The following GCNT1 variants were observed in gnomAD, a reference collection of about 807,000 sequenced individuals.
GCNT1 encodes glucosaminyl (N-acetyl) transferase 1.
Under a neutral mutation model 26.2 loss-of-function variants are expected in GCNT1, and 16 were observed. That is an observed-to-expected ratio of 0.61 (90% CI 0.41 to 0.93). GCNT1 has a LOEUF of 0.93. Among genes scored for constraint, GCNT1 ranks in the 40% least tolerant of loss-of-function variants. The pLI, the probability that GCNT1 is intolerant of heterozygous loss-of-function variation, is 0.00. For missense variants in GCNT1, 477 were observed against 526.7 expected (o/e 0.91, Z 0.92); for synonymous variants, 183 against 190.8 (o/e 0.96, Z 0.34).
chr9:76,423,998 A>G (rs1189820320), intron 1 of GCNT1, among the ~76,000 whole-genome samples: 1 of 152,212 alleles, frequency 6.6e-6, no homozygotes, highest in Non-Finnish European at 1.5e-5. Context: ...ATTCAGCACT[A>G]GATGCTAGAG....
At chr9:76,446,464 C>T (rs548233285) in intron 1 of GCNT1, among the ~76,000 whole-genome samples, 76 of 152,292 alleles carry the variant, frequency 5.0e-4, no homozygotes, top group African/African-American at 1.6e-3. Flanking sequence ...GTTTCTTTTG[C>T]CTGTGTCTGA....
intron 2 of GCNT1, among the ~76,000 whole-genome samples, chr9:76,483,572 A>G (rs1308697631): frequency 1.3e-5 from 2 of 151,960 alleles, no homozygotes; most frequent in Non-Finnish European, 2.9e-5. Flanking sequence ...GCACCACCAC[A>G]CCCAGCTAAT....
chr9:76,419,506 C>T (rs766000401), upstream of GCNT1, among the ~76,000 whole-genome samples: 18 of 152,134 alleles, frequency 1.2e-4, no homozygotes, highest in Middle Eastern at 3.4e-3. Flanking sequence ...CCCGTCTCTA[C>T]GAAAATTAGC....
chr9:76,441,550 C>A (rs78453761), upstream of GCNT1: 1 of 152,178 alleles, frequency 6.6e-6, no homozygotes, highest in East Asian at 1.9e-4. Context: ...TATGCTAAGA[C>A]ATTATAACAA....
chr9:76,414,887 C>A (rs926913671), upstream of GCNT1, among the ~76,000 whole-genome samples: 4 of 152,086 alleles, frequency 2.6e-5, no homozygotes, highest in African/African-American at 9.7e-5. Flanking sequence ...CTGTTCACCT[C>A]CAGTCTTATC....
At chr9:76,407,344 G>A in the GCNT1 span, among the ~76,000 whole-genome samples, 1 of 151,958 alleles carries the variant, frequency 6.6e-6, no homozygotes, top group African/African-American at 2.4e-5. Context: ...TAGATGTCCA[G>A]TTGTTCCAGC....
upstream of GCNT1, among the ~76,000 whole-genome samples, chr9:76,454,935 C>A (rs1823733162): frequency 6.7e-6 from 1 of 150,150 alleles, no homozygotes; most frequent in African/African-American, 2.5e-5. Flanking sequence ...GCAACCTCCG[C>A]CTCCCGGGTT....
chr9:76,411,763 A>G, the GCNT1 span, among the ~76,000 whole-genome samples: 5 of 128,558 alleles, frequency 3.9e-5, no homozygotes, highest in African/African-American at 1.5e-4. Flanking sequence ...GTGCAGTGGC[A>G]TGATCTTGGC....
At chr9:76,461,494 A>C (rs1215316118) in intron 2 of GCNT1, among the ~76,000 whole-genome samples, 1 of 151,384 alleles carries the variant, frequency 6.6e-6, no homozygotes, top group African/African-American at 2.4e-5. Flanking sequence ...TGAGACGGAG[A>C]ATTGCTTGAA....
chr9:76,485,180 T>C (rs950212415), intron 2 of GCNT1, among the ~76,000 whole-genome samples: 16 of 152,076 alleles, frequency 1.1e-4, no homozygotes, highest in African/African-American at 3.9e-4. Context: ...TATGTACTTT[T>C]ATGTTTTTTG....
In GCNT1 at chr9:76,503,822, T is replaced by C; in HGVS notation, c.*154T>C. ...CTTGTCAGAGAAGCTGCATGGTTTCTGCAGAGCACAGTTAGCTAGAAAGGT... is the reference window on the plus strand; with the variant it reads ...CTTGTCAGAGAAGCTGCATGGTTTCCGCAGAGCACAGTTAGCTAGAAAGGT... On this transcript the variant is annotated 3_prime_UTR_variant, in exon 4 of 4. Coordinates refer to ENST00000376730, the MANE Select transcript of GCNT1 (RefSeq NM_001490.5). The C allele has an allele frequency of 1.5e-6, 1 of 649,932 alleles. No individual in the cohort carries two copies. The highest frequency in any genetic ancestry group is 2.8e-6 in the Non-Finnish European group (1 of 360,388). The allele number at this position is 649,932 out of a possible 1,614,324, so 40.3% of individuals were successfully genotyped here. A position where few individuals can be genotyped will look rare whatever the true frequency, so the allele number is the denominator to read the frequency against.
chr9:76,502,941 A>C lies in GCNT1; in HGVS notation c.560A>C (p.Tyr187Ser). ...GCCAGCCGATTGGAGAGTGTGGTTT[A>C]TGCATCGTGGAGCCGGGTTCAGGCT... ...FVASRLESVVYASWSRVQADL... is the reference protein window; with the variant it reads ...FVASRLESVVSASWSRVQADL... The change falls in exon 4 of 4, where the codon TAT becomes TCT. Residue 187 changes from tyrosine to serine, a missense_variant. Coordinates refer to ENST00000376730, the MANE Select transcript of GCNT1 (RefSeq NM_001490.5). 1 of 1,613,208 alleles carries C rather than the reference A, an allele frequency of 6.2e-7. No homozygotes were observed. Among genetic ancestry groups the C allele is most frequent in the East Asian group, 2.2e-5 (1 of 44,874 alleles).
At chr9:76,458,222 G>T (rs1029876877), upstream of GCNT1, among the ~76,000 whole-genome samples, 2 of 110,066 alleles carry the variant, frequency 1.8e-5, no homozygotes, top group Non-Finnish European at 3.3e-5. Flanking sequence ...TCGCTCTGTT[G>T]CCCAGGCTGG....
At chr9:76,446,437 C>A (rs990287950) in intron 1 of GCNT1, among the ~76,000 whole-genome samples, 2 of 152,202 alleles carry the variant, frequency 1.3e-5, no homozygotes, top group African/African-American at 4.8e-5. Flanking sequence ...TATCCTTTAT[C>A]AAGGTCTAAG....
chr9:76,397,329 A>G, the GCNT1 span, among the ~76,000 whole-genome samples: 1 of 151,628 alleles, frequency 6.6e-6, no homozygotes, highest in Non-Finnish European at 1.5e-5. Context: ...AAAAAAGGAG[A>G]GTCTTGTAGA....
intron 2 of GCNT1, among the ~76,000 whole-genome samples, chr9:76,483,611 T>C (rs1012892569): frequency 6.6e-6 from 1 of 152,076 alleles, no homozygotes; most frequent in African/African-American, 2.4e-5. Flanking sequence ...TTTGTAGAGA[T>C]GGTATCTCAC....
intron 1 of GCNT1, among the ~76,000 whole-genome samples, chr9:76,443,893 GA>G (rs1564225765): frequency 1.5e-4 from 13 of 87,428 alleles, no homozygotes; most frequent in Admixed American, 9.2e-4. Flanking sequence ...AAGAAAGAAA[GA>G]AAGAAAGGAA....
chr9:76,442,594 C>A (rs1587413052), intron 1 of GCNT1, among the ~76,000 whole-genome samples: 1 of 152,024 alleles, frequency 6.6e-6, no homozygotes, highest in Admixed American at 6.6e-5. Context: ...GGCAGGAGAA[C>A]CACTTGAACC....
chr9:76,505,282 T>C lies in GCNT1; in HGVS notation c.*1614T>C, dbSNP rs1463394060. 2 of 213,474 alleles carry C rather than the reference T, an allele frequency of 9.4e-6. No individual in the cohort carries two copies. The highest frequency in any genetic ancestry group is 2.0e-5 in the Non-Finnish European group (2 of 99,318). The allele number at this position is 213,474 out of a possible 1,614,324, so 13.2% of individuals were successfully genotyped here. On this transcript the variant is annotated 3_prime_UTR_variant, in exon 4 of 4. Transcript: ENST00000376730. Reference sequence around the variant, plus strand: ...AACATTTTCATCTTATTGAGAGATATGTTTTTAAACTTTTATCATCATTTG... The same window carrying C: ...AACATTTTCATCTTATTGAGAGATACGTTTTTAAACTTTTATCATCATTTG...
Sources: gnomAD v4.1 joint callset for allele counts (sites outside exome capture counted in the v4.1 genomes callset) on GRCh38, gnomAD v4.1.1 for gene constraint, MANE v1.5 for transcripts, NCBI Gene and HGNC (gene_info 2026-07-23, HGNC 2026-07-21) for gene names.